The following CIMIP2A variants were observed in gnomAD, a reference collection of about 807,000 sequenced individuals.
CIMIP2A encodes family with sequence similarity 166 member A.
At chr9:137,247,536 G>A in the CIMIP2A span, 1 of 878,132 alleles carries the variant, frequency 1.1e-6, no homozygotes, top group Non-Finnish European at 1.8e-6. Context: ...CCCGTGGTGT[G>A]GCCTTCAGTT....
At chr9:137,247,501 C>T in the CIMIP2A span, among the ~76,000 whole-genome samples, 1 of 152,242 alleles carries the variant, frequency 6.6e-6, no homozygotes, top group South Asian at 2.1e-4. Flanking sequence ...TGTCCCAGGG[C>T]TCCCCAGCCC....
At chr9:137,252,367 A>T in the CIMIP2A span, 1 of 1,494,018 alleles carries the variant, frequency 6.7e-7, no homozygotes, top group Admixed American at 1.9e-5. Context: ...GAACCGGGAG[A>T]CAGGTTCGAG....
At chr9:137,254,883 G>A in the CIMIP2A span, among the ~76,000 whole-genome samples, 1 of 152,186 alleles carries the variant, frequency 6.6e-6, no homozygotes, top group Non-Finnish European at 1.5e-5. Context: ...TCTCAGTTTT[G>A]GCGACAGCGC....
chr9:137,244,993 G>GT, the CIMIP2A span: 1 of 1,608,114 alleles, frequency 6.2e-7, no homozygotes, highest in African/African-American at 1.3e-5. Flanking sequence ...AGCAGGAAAA[G>GT]TGGGCCCCTG....
At chr9:137,252,903 G>GC in the CIMIP2A span, 1 of 1,597,924 alleles carries the variant, frequency 6.3e-7, no homozygotes, top group Non-Finnish European at 8.5e-7. Flanking sequence ...CGCCTGCAGA[G>GC]CCCCCGCTCG....
At chr9:137,243,877 TGCCCTGG>T in the CIMIP2A span, 1 of 1,411,624 alleles carries the variant, frequency 7.1e-7, no homozygotes, top group African/African-American at 1.4e-5. Context: ...AGTGTGGGGC[TGCCCTGG>T]GCCCTGGGTA....
At chr9:137,251,756 G>A in the CIMIP2A span, 2 of 1,575,682 alleles carry the variant, frequency 1.3e-6, no homozygotes, top group Admixed American at 1.9e-5. Context: ...CATCTGTGCT[G>A]TTGTTGGGCC....
At chr9:137,245,130 T>C in the CIMIP2A span, 4 of 1,597,796 alleles carry the variant, frequency 2.5e-6, no homozygotes, top group Non-Finnish European at 3.4e-6. Flanking sequence ...GTGGTCCAGC[T>C]GCGGCAGCCG....
At chr9:137,253,133 C>T in the CIMIP2A span, 3 of 1,578,206 alleles carry the variant, frequency 1.9e-6, no homozygotes. Context: ...CCTGGCCCAG[C>T]CGCCTACCAC....
chr9:137,251,728 T>C, the CIMIP2A span: 1 of 1,557,482 alleles, frequency 6.4e-7, no homozygotes, highest in African/African-American at 1.4e-5. Context: ...GCTGCTGGTC[T>C]CCCTTGCAGG....
At chr9:137,244,433 G>A in the CIMIP2A span, 22 of 1,522,570 alleles carry the variant, frequency 1.4e-5, no homozygotes, top group Middle Eastern at 1.9e-4. Flanking sequence ...CCCTACCCCC[G>A]ACTCCAAAAC....
At chr9:137,254,875 TCA>T in the CIMIP2A span, among the ~76,000 whole-genome samples, 2 of 151,942 alleles carry the variant, frequency 1.3e-5, no homozygotes, top group Non-Finnish European at 1.5e-5. Context: ...CGCTCAGATC[TCA>T]GTTTTGGCGA....
At chr9:137,244,745 A>G in the CIMIP2A span, 12 of 1,611,662 alleles carry the variant, frequency 7.4e-6, no homozygotes, top group African/African-American at 8.0e-5. Context: ...GCCTGGGGGT[A>G]GGCAGATGTA....
At chr9:137,251,452 G>C in the CIMIP2A span, 1 of 1,362,736 alleles carries the variant, frequency 7.3e-7, no homozygotes, top group Non-Finnish European at 1.0e-6. Flanking sequence ...CCAGGGGGCT[G>C]AGGGACAGTG....
At chr9:137,243,758 C>T in the CIMIP2A span, 4 of 1,614,092 alleles carry the variant, frequency 2.5e-6, no homozygotes, top group Non-Finnish European at 3.4e-6. Context: ...GGTGCTGTTG[C>T]CGAATGTCAG....
At chr9:137,246,115 C>T in the CIMIP2A span, among the ~76,000 whole-genome samples, 1 of 152,244 alleles carries the variant, frequency 6.6e-6, no homozygotes, top group African/African-American at 2.4e-5. Flanking sequence ...TGCCTTGTAC[C>T]AGCCCCTCCA....
the CIMIP2A span, among the ~76,000 whole-genome samples, chr9:137,253,674 C>T: frequency 1.3e-5 from 2 of 152,210 alleles, no homozygotes; most frequent in Non-Finnish European, 2.9e-5. Context: ...GAGGTGGGCT[C>T]TGTGGGACAC....
the CIMIP2A span, chr9:137,251,603 A>G: frequency 2.6e-6 from 3 of 1,160,706 alleles, no homozygotes; most frequent in African/African-American, 4.8e-5. Context: ...GGGCTGAGGG[A>G]CAGTGTGGGG....
the CIMIP2A span, chr9:137,245,077 G>T: frequency 6.2e-7 from 1 of 1,610,848 alleles, no homozygotes; most frequent in Non-Finnish European, 8.5e-7. Flanking sequence ...CCCAGCCCAG[G>T]CCCACACCCA....
Sources: allele counts gnomAD v4.1 joint callset (sites outside exome capture counted in the v4.1 genomes callset), GRCh38; gene constraint gnomAD v4.1.1; transcripts MANE v1.5; gene names NCBI Gene and HGNC (gene_info 2026-07-23, HGNC 2026-07-21).